MAK: variants seen among roughly 807,000 people sequenced by gnomAD.
The protein encoded by MAK is serine/threonine-protein kinase MAK.
A neutral mutation model predicts 82.6 loss-of-function variants in MAK; 65 were observed. The ratio of observed to expected loss-of-function variants is 0.79; its 90% CI spans 0.64 to 0.97. MAK has a LOEUF of 0.97. Ranked by LOEUF, MAK falls within the 50% of genes least tolerant of loss-of-function variation. The pLI, the probability that MAK is intolerant of heterozygous loss-of-function variation, is 0.00. For missense variants in MAK, 703 were observed against 780.2 expected (o/e 0.90, Z 1.18); for synonymous variants, 250 against 274.2 (o/e 0.91, Z 0.87).
rs992084979 is a variant in MAK at position 10,764,429 on chromosome 6, G to A, written c.*23C>T. 1.2e-6 allele frequency: 2 copies of A among 1,612,340 alleles called. No individual in the cohort carries two copies. The highest frequency in any genetic ancestry group is 1.7e-6 in the Non-Finnish European group (2 of 1,178,868). On this transcript the variant is annotated 3_prime_UTR_variant, in exon 15 of 15. Coordinates refer to ENST00000354489, the MANE Select transcript of MAK (RefSeq NM_001242957.3). The stretch of plus-strand genomic sequence containing the variant: ...TGCACGTACTCTACGGAGCAATGCT[G>A]TAGGGTTTCACACCATAGACTCCTA...
At chr6:10,773,212 G>C in intron 12 of MAK, 104 bp from the exon 13 acceptor site, 1 of 635,694 alleles carries the variant, frequency 1.6e-6, no homozygotes. Context: ...TCCAGAAAGA[G>C]CCCTTAAAAA....
intron 2 of MAK, among the ~76,000 whole-genome samples, chr6:10,827,114 C>T (rs1778434972): frequency 6.6e-6 from 1 of 151,936 alleles, no homozygotes; most frequent in African/African-American, 2.4e-5. Context: ...CATCTCAAAA[C>T]AAAACAAAAC....
At chr6:10,773,914 G>A (rs765326160) in intron 12 of MAK, among the ~76,000 whole-genome samples, 3 of 151,708 alleles carry the variant, frequency 2.0e-5, no homozygotes, top group Admixed American at 6.6e-5. Context: ...TTGGTCAGGC[G>A]GGTCTCGAAC....
chr6:10,824,849 C>T (rs76406983), intron 2 of MAK, among the ~76,000 whole-genome samples: 12,531 of 152,164 alleles, frequency 0.082, 1,589 homozygotes, highest in African/African-American at 0.28. Flanking sequence ...CAGTGCTCAC[C>T]GTGGCCGCCA....
chr6:10,819,292 A>G (rs1165280174), intron 2 of MAK, among the ~76,000 whole-genome samples: 1 of 152,190 alleles, frequency 6.6e-6, no homozygotes, highest in African/African-American at 2.4e-5. Flanking sequence ...TCCCTACTTA[A>G]ATGATTTAAG....
intron 10 of MAK, among the ~76,000 whole-genome samples, chr6:10,790,101 C>G (rs1357286267): frequency 6.6e-6 from 1 of 152,174 alleles, no homozygotes; most frequent in Non-Finnish European, 1.5e-5. Context: ...TTTAGTAACC[C>G]TATGCCATGT....
At chr6:10,798,000 T>C in intron 8 of MAK, 1 of 1,037,088 alleles carries the variant, frequency 9.6e-7, no homozygotes, top group Non-Finnish European at 1.2e-6. Context: ...CTGAATTAAG[T>C]CACATTAAGT....
At chr6:10,831,039 T>A (rs1473264588) in intron 1 of MAK, among the ~76,000 whole-genome samples, 162 bp from the exon 2 acceptor site, 1 of 152,226 alleles carries the variant, frequency 6.6e-6, no homozygotes, top group African/African-American at 2.4e-5. Flanking sequence ...AGTTCACATA[T>A]AACTCACTGG....
chr6:10,819,083 C>T, intron 2 of MAK, 143 bp from the exon 3 acceptor site: 2 of 659,228 alleles, frequency 3.0e-6, no homozygotes, highest in Non-Finnish European at 5.6e-6. Flanking sequence ...GAAATCACCT[C>T]CTATACCTCA....
intron 10 of MAK, among the ~76,000 whole-genome samples, chr6:10,787,858 CA>C (rs56983445): frequency 0.11 from 14,553 of 129,588 alleles, 1,400 homozygotes; most frequent in African/African-American, 0.3. Context: ...GAGACTGTCT[CA>C]AAAAAAAAAA....
rs1268060176 is a variant in MAK at position 10,806,600 on chromosome 6, A to T, written c.491+2210T>A. 2.1e-5 allele frequency among the ~76,000 whole-genome samples: 3 copies of T among 144,708 alleles called. No individual in the cohort carries two copies. In the East Asian group the frequency reaches 6.2e-4, roughly 30 times the overall value. The allele number at this position is 144,708 out of a possible 152,430, so 94.9% of individuals were successfully genotyped here. Reference sequence around the variant, plus strand: ...TCTTGATTTCCTGACCTCGTGATCCACCTGCCTCGGATTCCCAAAGTGCTG... The same window carrying T: ...TCTTGATTTCCTGACCTCGTGATCCTCCTGCCTCGGATTCCCAAAGTGCTG... On this transcript the variant is annotated intron_variant, in intron 6 of 14. Coordinates refer to ENST00000354489, the MANE Select transcript of MAK (RefSeq NM_001242957.3).
At chr6:10,810,308 T>C (rs866957079) in intron 5 of MAK, among the ~76,000 whole-genome samples, 9 of 151,216 alleles carry the variant, frequency 6.0e-5, no homozygotes, top group Admixed American at 1.3e-4. Context: ...GGTTTTCATG[T>C]AGCTTTGGAG....
chr6:10,795,722 C>T (rs1581697235), intron 9 of MAK, among the ~76,000 whole-genome samples: 1 of 152,102 alleles, frequency 6.6e-6, no homozygotes, highest in East Asian at 1.9e-4. Context: ...CCAGCCTAGG[C>T]AACAAAAGCG....
chr6:10,784,870 T>C (rs1376798093), intron 10 of MAK: 1 of 539,872 alleles, frequency 1.9e-6, no homozygotes, highest in Non-Finnish European at 3.6e-6. Context: ...GTTGGATTCA[T>C]AACGTGGGAA....
At chr6:10,780,135 C>T (rs879661217) in intron 11 of MAK, 26 of 449,692 alleles carry the variant, frequency 5.8e-5, no homozygotes, top group Non-Finnish European at 7.3e-5. Context: ...TTCAAAACCA[C>T]GACCGCCAAT....
intron 5 of MAK, among the ~76,000 whole-genome samples, chr6:10,812,642 G>A (rs759528985): frequency 6.6e-6 from 1 of 151,500 alleles, no homozygotes; most frequent in South Asian, 2.1e-4. Context: ...TCATTTCCAC[G>A]ATAAAATTAG....
intron 2 of MAK, among the ~76,000 whole-genome samples, chr6:10,820,465 C>A (rs894717195): frequency 2.0e-5 from 3 of 152,140 alleles, no homozygotes; most frequent in African/African-American, 7.2e-5. Context: ...GGACAAGTCA[C>A]CTAATGACCT....
intron 11 of MAK, among the ~76,000 whole-genome samples, chr6:10,780,513 A>G (rs526494): frequency 0.78 from 114,390 of 146,130 alleles, 44,782 homozygotes; most frequent in East Asian, 0.87. Context: ...GGAGTGCAGT[A>G]GGGCGATCTC....
chr6:10,791,129 T>TAC (rs148330710), intron 10 of MAK, among the ~76,000 whole-genome samples: 4 of 151,680 alleles, frequency 2.6e-5, no homozygotes, highest in Admixed American at 2.6e-4. Flanking sequence ...ACACACTCTC[T>TAC]ACACACACAC....
Sources: allele counts gnomAD v4.1 joint callset (sites outside exome capture counted in the v4.1 genomes callset), GRCh38; gene constraint gnomAD v4.1.1; transcripts MANE v1.5; gene names NCBI Gene and HGNC (gene_info 2026-07-23, HGNC 2026-07-21).